UNC13C: variants seen among roughly 807,000 people sequenced by gnomAD.
The protein encoded by UNC13C is protein unc-13 homolog C.
Under a neutral mutation model 245.4 loss-of-function variants are expected in UNC13C, and 174 were observed. The ratio of observed to expected loss-of-function variants is 0.71; its 90% CI spans 0.63 to 0.80. UNC13C has a LOEUF of 0.80. Ranked by LOEUF, UNC13C falls within the 30% of genes least tolerant of loss-of-function variation. The probability of loss-of-function intolerance (pLI) is 0.00; values close to 1 mark genes in which losing one functional copy is unlikely to be tolerated. For synonymous variants in UNC13C, 992 were observed against 895.1 expected (o/e 1.11, Z -1.93); for missense variants, 2,829 against 2,602.9 (o/e 1.09, Z -1.89).
At chr15:54,506,682 A>G (rs1209612455) in intron 22 of UNC13C, among the ~76,000 whole-genome samples, 2 of 152,106 alleles carry the variant, frequency 1.3e-5, no homozygotes, top group South Asian at 2.1e-4. Context: ...TGTCTCCCTC[A>G]GTTGATTTTG....
chr15:54,569,484 A>T (rs1897658226), intron 30 of UNC13C, among the ~76,000 whole-genome samples: 1 of 152,110 alleles, frequency 6.6e-6, no homozygotes, highest in Non-Finnish European at 1.5e-5. Flanking sequence ...TACAGATGCA[A>T]TTTTTAAAAA....
the UNC13C span, among the ~76,000 whole-genome samples, chr15:53,850,341 G>A: frequency 6.6e-6 from 1 of 152,104 alleles, no homozygotes; most frequent in Non-Finnish European, 1.5e-5. Context: ...CTTGAACCCC[G>A]GTGGTTGAGA....
chr15:54,022,304 GTTTTTTGGCTGTTTCTTT>G (rs551343343), intron 2 of UNC13C, among the ~76,000 whole-genome samples: 1 of 151,948 alleles, frequency 6.6e-6, no homozygotes, highest in South Asian at 2.1e-4. Context: ...TCACACTGTG[GTTTTTTGGCTGTTTCTTT>G]TTTTTTTAAG....
At chr15:54,054,984 G>C (rs1897444284) in intron 2 of UNC13C, among the ~76,000 whole-genome samples, 1 of 152,068 alleles carries the variant, frequency 6.6e-6, no homozygotes, top group South Asian at 2.1e-4. Flanking sequence ...TACACTGTTT[G>C]ATCAGGATGA....
chr15:54,465,777 A>G (rs76918937), intron 19 of UNC13C, among the ~76,000 whole-genome samples: 1,753 of 152,160 alleles, frequency 0.012, 18 homozygotes, highest in Non-Finnish European at 0.016. Context: ...ATTCAGAAAC[A>G]GAATTACCAG....
intron 4 of UNC13C, among the ~76,000 whole-genome samples, chr15:54,185,556 G>A (rs1339466356): frequency 6.6e-6 from 1 of 150,698 alleles, no homozygotes; most frequent in Non-Finnish European, 1.5e-5. Context: ...GTTTTTGTCA[G>A]GTTTGTCAAA....
At chr15:54,205,036 A>G (rs1213807566) in intron 4 of UNC13C, among the ~76,000 whole-genome samples, 2 of 152,000 alleles carry the variant, frequency 1.3e-5, no homozygotes, top group Non-Finnish European at 2.9e-5. Context: ...ATTGGGAGAT[A>G]TTATAAGTAA....
chr15:54,188,469 A>G (rs941582307), intron 4 of UNC13C, among the ~76,000 whole-genome samples: 1 of 152,196 alleles, frequency 6.6e-6, no homozygotes, highest in Non-Finnish European at 1.5e-5. Flanking sequence ...TATGATAATG[A>G]TAATTGGGTA....
At chr15:54,058,554 C>A (rs1897650828) in intron 2 of UNC13C, among the ~76,000 whole-genome samples, 1 of 152,154 alleles carries the variant, frequency 6.6e-6, no homozygotes, top group Non-Finnish European at 1.5e-5. Flanking sequence ...TGGTACCATT[C>A]CTTCTGAAAC....
chr15:54,494,609 A>C lies in UNC13C; in HGVS notation c.4935A>C (p.Glu1645Asp), dbSNP rs747341880. The part of the protein sequence containing the change: ...FALDMKYALE[E>D]HENQRLCKST... Reference sequence around the variant, plus strand: ...AATATTTAATTTTATCTGTTATAGAACATGAAAATCAGCGGTTATGCAAGA... The same window carrying C: ...AATATTTAATTTTATCTGTTATAGACCATGAAAATCAGCGGTTATGCAAGA... The change falls in exon 20 of 33, where the codon GAA becomes GAC. Residue 1645 changes from glutamate to aspartate, a missense_variant and splice_region_variant. By Grantham distance (45) the Glu-to-Asp change is conservative. Transcript: ENST00000260323. 23 of 1,606,704 alleles carry C rather than the reference A, an allele frequency of 1.4e-5. No homozygotes were observed. In the South Asian group the frequency reaches 2.2e-4, roughly 16 times the overall value.
intron 22 of UNC13C, among the ~76,000 whole-genome samples, chr15:54,506,868 G>T: frequency 6.6e-6 from 1 of 151,990 alleles, no homozygotes; most frequent in East Asian, 1.9e-4. Flanking sequence ...AAAGCAGTGA[G>T]TGCAAACACA....
chr15:54,074,968 C>T (rs947310816), intron 2 of UNC13C, among the ~76,000 whole-genome samples: 3 of 152,070 alleles, frequency 2.0e-5, no homozygotes, highest in African/African-American at 7.2e-5. Context: ...GAATTGGTTA[C>T]CTTAAAGCAC....
intron 2 of UNC13C, among the ~76,000 whole-genome samples, chr15:54,128,571 C>T (rs1438447698): frequency 6.6e-6 from 1 of 152,134 alleles, no homozygotes; most frequent in East Asian, 1.9e-4. Flanking sequence ...GAAACCTGAA[C>T]AGTTAGGGTG....
intron 19 of UNC13C, among the ~76,000 whole-genome samples, chr15:54,438,843 G>T (rs531322071): frequency 1.3e-5 from 2 of 151,866 alleles, no homozygotes; most frequent in African/African-American, 2.4e-5. Flanking sequence ...CTTCAAGATC[G>T]CTAAGTAACA....
intron 32 of UNC13C, among the ~76,000 whole-genome samples, chr15:54,626,214 T>C (rs1018687879): frequency 3.3e-5 from 5 of 152,110 alleles, no homozygotes; most frequent in African/African-American, 4.8e-5. Flanking sequence ...AGGTGGTTGT[T>C]AGGAGAGGCC....
intron 19 of UNC13C, among the ~76,000 whole-genome samples, chr15:54,485,207 G>A (rs1355697496): frequency 2.6e-5 from 4 of 152,274 alleles, no homozygotes; most frequent in Non-Finnish European, 5.9e-5. Flanking sequence ...AGACCTAGAA[G>A]AAAATGAAGA....
chr15:54,107,687 T>C (rs1185476277), intron 2 of UNC13C, among the ~76,000 whole-genome samples: 5 of 152,234 alleles, frequency 3.3e-5, no homozygotes, highest in Non-Finnish European at 5.9e-5. Context: ...GGAATTATTA[T>C]TGTGATATGT....
At chr15:54,224,336 G>A (rs556527412) in intron 4 of UNC13C, among the ~76,000 whole-genome samples, 1 of 151,994 alleles carries the variant, frequency 6.6e-6, no homozygotes, top group Non-Finnish European at 1.5e-5. Flanking sequence ...GGCTTTTATA[G>A]TGAAGGAATA....
chr15:53,852,353 G>T, the UNC13C span, among the ~76,000 whole-genome samples: 1 of 152,124 alleles, frequency 6.6e-6, no homozygotes, highest in East Asian at 1.9e-4. Flanking sequence ...GCTACTGGAA[G>T]CTTGAATGAT....
Sources: allele counts gnomAD v4.1 joint callset (sites outside exome capture counted in the v4.1 genomes callset), GRCh38; gene constraint gnomAD v4.1.1; transcripts MANE v1.5; gene names NCBI Gene and HGNC (gene_info 2026-07-23, HGNC 2026-07-21).